MYO1E: variants seen among roughly 807,000 people sequenced by gnomAD.
MYO1E encodes the protein myosin IE.
MYO1E carries 68 observed loss-of-function variants against 151.1 expected under a neutral mutation model. The observed-to-expected ratio is 0.45, with a 90% CI of 0.37 to 0.55. The LOEUF is 0.55. Among genes scored for constraint, MYO1E ranks in the 20% least tolerant of loss-of-function variants. MYO1E has a pLI of 0.00. For synonymous variants in MYO1E, 601 were observed against 501.7 expected (o/e 1.20, Z -2.64); for missense variants, 1,363 against 1,389.3 (o/e 0.98, Z 0.30).
rs1232775916 is a variant in MYO1E, at chr15:59,158,081, C to T, written c.2878+206G>A. Among the ~76,000 whole-genome samples, 77 of 152,356 alleles carry T rather than the reference C, an allele frequency of 5.1e-4. 1 individual carries two copies. The highest frequency in any genetic ancestry group is 1.5e-5 in the Non-Finnish European group (1 of 68,032). On this transcript the variant is annotated intron_variant, in intron 25 of 27. Coordinates refer to ENST00000288235, the MANE Select transcript of MYO1E (RefSeq NM_004998.4). ...GGTAATGAAATCCAGATTGCAAACT[C>T]AGCCGCAGTTCAGTCTCACTGACTC... is the stretch of plus-strand genomic sequence containing the variant.
At chr15:59,277,810 T>A (rs888057989) in intron 1 of MYO1E, among the ~76,000 whole-genome samples, 1 of 152,204 alleles carries the variant, frequency 6.6e-6, no homozygotes, top group African/African-American at 2.4e-5. Context: ...TACTGTTTCA[T>A]TGAAAGAGTA....
At chr15:59,258,199 T>C (rs1327923054) in intron 3 of MYO1E, among the ~76,000 whole-genome samples, 1 of 152,052 alleles carries the variant, frequency 6.6e-6, no homozygotes, top group Non-Finnish European at 1.5e-5. Flanking sequence ...ACACAAAAAT[T>C]AGCCAGGCGT....
At chr15:59,173,542 C>G (rs1348799542) in intron 21 of MYO1E, among the ~76,000 whole-genome samples, 1 of 152,148 alleles carries the variant, frequency 6.6e-6, no homozygotes, top group Admixed American at 6.5e-5. Context: ...TAAAAACATT[C>G]TGAAAGATAT....
intron 25 of MYO1E, among the ~76,000 whole-genome samples, chr15:59,155,245 T>G (rs1337256385): frequency 6.6e-6 from 1 of 152,228 alleles, no homozygotes; most frequent in African/African-American, 2.4e-5. Flanking sequence ...AGAGTAAGCA[T>G]TTAGAAACGT....
intron 1 of MYO1E, among the ~76,000 whole-genome samples, chr15:59,302,231 G>A (rs1174031209): frequency 2.0e-5 from 3 of 152,194 alleles, no homozygotes; most frequent in African/African-American, 7.2e-5. Context: ...ACTCAAGTAA[G>A]ATTTAGGGAC....
chr15:59,328,799 T>G (rs533579089), intron 1 of MYO1E, among the ~76,000 whole-genome samples: 56 of 152,140 alleles, frequency 3.7e-4, no homozygotes, highest in Admixed American at 8.5e-4. Flanking sequence ...TCTAAGACAC[T>G]GGTAAGTGAG....
intron 1 of MYO1E, among the ~76,000 whole-genome samples, chr15:59,368,961 C>T (rs1422701372): frequency 6.6e-6 from 1 of 152,180 alleles, no homozygotes; most frequent in Non-Finnish European, 1.5e-5. Context: ...ATGTCCCGGA[C>T]TCTAGGTATT....
chr15:59,296,965 G>A (rs1333225790), intron 1 of MYO1E, among the ~76,000 whole-genome samples: 10 of 124,446 alleles, frequency 8.0e-5, no homozygotes, highest in Admixed American at 9.3e-5. Context: ...TCAGCCTCCC[G>A]AGTAGGTGGG....
At chr15:59,234,555 C>G (rs536836940) in intron 5 of MYO1E, among the ~76,000 whole-genome samples, 1 of 152,272 alleles carries the variant, frequency 6.6e-6, no homozygotes, top group African/African-American at 2.4e-5. Context: ...CATGGTGGCT[C>G]ATGCCTGTAA....
chr15:59,202,009 C>T (rs1401748880), intron 16 of MYO1E, among the ~76,000 whole-genome samples: 1 of 152,194 alleles, frequency 6.6e-6, no homozygotes, highest in Non-Finnish European at 1.5e-5. Context: ...GGCTCCGAAC[C>T]ATATTTCTCT....
intron 26 of MYO1E, among the ~76,000 whole-genome samples, chr15:59,153,154 C>T (rs1229979100): frequency 2.6e-5 from 4 of 152,190 alleles, no homozygotes; most frequent in African/African-American, 9.7e-5. Flanking sequence ...GCCACAAAGA[C>T]CCATATTCTT....
intron 17 of MYO1E, among the ~76,000 whole-genome samples, chr15:59,192,308 A>G (rs1218306803): frequency 6.6e-6 from 1 of 152,140 alleles, no homozygotes; most frequent in African/African-American, 2.4e-5. Flanking sequence ...TTAAAAAAAA[A>G]AAAAAGAAAA....
At chr15:59,175,688 T>C (rs1261497635) in intron 19 of MYO1E, among the ~76,000 whole-genome samples, 2 of 152,228 alleles carry the variant, frequency 1.3e-5, no homozygotes, top group African/African-American at 4.8e-5. Context: ...ATATTTCTTA[T>C]CTTGTGTATT....
chr15:59,361,490 C>T (rs2080885122), intron 1 of MYO1E, among the ~76,000 whole-genome samples: 1 of 152,090 alleles, frequency 6.6e-6, no homozygotes, highest in Non-Finnish European at 1.5e-5. Context: ...CCAAAATTGA[C>T]CATACTCCCT....
At chr15:59,157,457 G>A (rs1168449958) in intron 25 of MYO1E, among the ~76,000 whole-genome samples, 5 of 152,104 alleles carry the variant, frequency 3.3e-5, no homozygotes, top group Admixed American at 2.0e-4. Flanking sequence ...ATGGTCAACT[G>A]TGGCCTGGAA....
chr15:59,351,047 C>A (rs61179012), intron 1 of MYO1E, among the ~76,000 whole-genome samples: 31,373 of 152,122 alleles, frequency 0.21, 3,826 homozygotes, highest in East Asian at 0.48. Context: ...CAGGCGTCCA[C>A]CACCACGCCC....
chr15:59,259,098 A>G lies in MYO1E; in HGVS notation c.237+2322T>C, dbSNP rs142499381. ...AGGCATGAGCCACCATGCCCAGTCC[A>G]ATTTCCCTCTTTTGGTCATCCTCTC... On this transcript the variant is annotated intron_variant, in intron 3 of 27. Transcript: ENST00000288235. 1.0e-3 allele frequency among the ~76,000 whole-genome samples: 153 copies of G among 152,190 alleles called. 1 individual carries two copies. Among genetic ancestry groups the G allele is most frequent in the Middle Eastern group, 3.4e-3 (1 of 294 alleles).
intron 4 of MYO1E, among the ~76,000 whole-genome samples, chr15:59,238,813 C>T (rs72746841): frequency 0.15 from 23,444 of 151,914 alleles, 2,760 homozygotes; most frequent in East Asian, 0.53. Flanking sequence ...CCAGGTGATC[C>T]GCCTGCCTTG....
At chr15:59,236,477 G>T in intron 5 of MYO1E, 108 bp downstream of exon 5, 1 of 817,824 alleles carries the variant, frequency 1.2e-6, no homozygotes, top group African/African-American at 1.7e-5. Flanking sequence ...CACAGTTATA[G>T]AAGAACCAGT....
Sources: gnomAD v4.1 joint callset for allele counts (sites outside exome capture counted in the v4.1 genomes callset) on GRCh38, gnomAD v4.1.1 for gene constraint, MANE v1.5 for transcripts, NCBI Gene and HGNC (gene_info 2026-07-23, HGNC 2026-07-21) for gene names.